PHF21A: variants seen among roughly 807,000 people sequenced by gnomAD.
PHF21A encodes PHD finger protein 21A.
PHF21A carries 11 observed loss-of-function variants against 82.5 expected under a neutral mutation model. The ratio of observed to expected loss-of-function variants is 0.13; its 90% confidence interval spans 0.08 to 0.22. PHF21A has a LOEUF of 0.22. Ranked by LOEUF, PHF21A falls within the 10% of genes least tolerant of loss-of-function variation. PHF21A has a pLI of 1.00. For missense variants in PHF21A, 579 were observed against 837.8 expected, an observed-to-expected ratio of 0.69 and a Z score of 3.81; for synonymous variants, 297 against 302.8, an observed-to-expected ratio of 0.98 and a Z score of 0.20.
chr11:45,943,121 CTTTTTTT>C (rs3061870), intron 15 of PHF21A, among the ~76,000 whole-genome samples: 1,376 of 112,116 alleles, frequency 0.012, 27 homozygotes, highest in African/African-American at 0.044. Context: ...TCTTTCTTTC[CTTTTTTT>C]TTTTTTTTTT....
intron 10 of PHF21A, among the ~76,000 whole-genome samples, chr11:45,963,757 A>G (rs1209263651): frequency 6.6e-6 from 1 of 152,222 alleles, no homozygotes; most frequent in Non-Finnish European, 1.5e-5. Flanking sequence ...TGGAACACTG[A>G]GGCTCCTCAG....
intron 8 of PHF21A, 102 bp downstream of exon 8, chr11:45,971,014 G>A: frequency 7.3e-7 from 1 of 1,366,120 alleles, no homozygotes. Flanking sequence ...GAAGAATGAT[G>A]GAAACTGAGA....
chr11:46,012,054 C>T (rs559634144), intron 6 of PHF21A, among the ~76,000 whole-genome samples: 5 of 152,236 alleles, frequency 3.3e-5, no homozygotes, highest in African/African-American at 1.2e-4. Context: ...CACACTAGAC[C>T]CCTTTTCCTT....
intron 3 of PHF21A, among the ~76,000 whole-genome samples, chr11:46,087,763 A>T (rs11038763): frequency 2.0e-5 from 3 of 151,826 alleles, no homozygotes; most frequent in Non-Finnish European, 2.9e-5. Context: ...TTTTGAAAAA[A>T]TTTTTTTCCT....
intron 6 of PHF21A, among the ~76,000 whole-genome samples, chr11:46,016,379 T>G (rs1159383201): frequency 1.3e-5 from 2 of 152,204 alleles, no homozygotes; most frequent in African/African-American, 4.8e-5. Flanking sequence ...TCCCATTATA[T>G]CCATTCCTTC....
At chr11:46,018,205 G>C (rs1483161451) in intron 6 of PHF21A, among the ~76,000 whole-genome samples, 8 of 149,234 alleles carry the variant, frequency 5.4e-5, no homozygotes, top group Non-Finnish European at 7.4e-5. Context: ...AGCTGAGATT[G>C]CGCCACTGCA....
intron 14 of PHF21A, 120 bp downstream of exon 14, chr11:45,948,766 A>G (rs1338440642): frequency 2.6e-6 from 2 of 775,282 alleles, no homozygotes; most frequent in East Asian, 2.4e-5. Context: ...AACAACAACA[A>G]AACTATTTTC....
At chr11:46,106,600 T>C (rs1378175736) in intron 1 of PHF21A, among the ~76,000 whole-genome samples, 1 of 152,252 alleles carries the variant, frequency 6.6e-6, no homozygotes, top group East Asian at 1.9e-4. Flanking sequence ...CTCCATCCAC[T>C]GATAATTGCT....
intron 18 of PHF21A, 25 bp from the exon 19 acceptor site, chr11:45,934,250 G>C (rs377133610): frequency 2.5e-5 from 40 of 1,600,476 alleles, no homozygotes; most frequent in Non-Finnish European, 3.4e-5. Flanking sequence ...AAGGGCAGTG[G>C]CACTGAGCCG....
At chr11:45,948,816 G>T in intron 14 of PHF21A, 70 bp downstream of exon 14, 2 of 1,064,556 alleles carry the variant, frequency 1.9e-6, no homozygotes, top group Non-Finnish European at 3.0e-6. Flanking sequence ...ATGGGAGGAG[G>T]GAAGGAGAAG....
intron 1 of PHF21A, among the ~76,000 whole-genome samples, chr11:46,117,625 C>T (rs1205046091): frequency 6.6e-6 from 1 of 152,178 alleles, no homozygotes; most frequent in Non-Finnish European, 1.5e-5. Flanking sequence ...ATCTCAACTA[C>T]TCTATATCCT....
intron 6 of PHF21A, among the ~76,000 whole-genome samples, chr11:46,050,599 T>G (rs1040083479): frequency 1.3e-5 from 2 of 152,236 alleles, no homozygotes; most frequent in African/African-American, 2.4e-5. Context: ...TCTATAATTT[T>G]AATTCATCAA....
chr11:46,041,246 A>G (rs2096133809), intron 6 of PHF21A, among the ~76,000 whole-genome samples: 1 of 152,178 alleles, frequency 6.6e-6, no homozygotes, highest in African/African-American at 2.4e-5. Flanking sequence ...GCTTTTTAGA[A>G]TATATACTAA....
chr11:46,042,713 C>T (rs1388692052), intron 6 of PHF21A, among the ~76,000 whole-genome samples: 1 of 152,058 alleles, frequency 6.6e-6, no homozygotes, highest in Non-Finnish European at 1.5e-5. Flanking sequence ...GAGGGCCCTC[C>T]TTCACAAATG....
intron 6 of PHF21A, among the ~76,000 whole-genome samples, chr11:46,010,538 T>C (rs576151315): frequency 2.0e-4 from 30 of 152,358 alleles, no homozygotes; most frequent in African/African-American, 7.0e-4. Flanking sequence ...GGAATAGTGG[T>C]ATGAATAACT....
chr11:45,963,016 C>T (rs969482021), intron 10 of PHF21A, among the ~76,000 whole-genome samples: 1 of 151,774 alleles, frequency 6.6e-6, no homozygotes, highest in African/African-American at 2.4e-5. Context: ...ACGTGAAGGC[C>T]ACGACAGGAA....
At chr11:45,944,535 C>T (rs150120810) in intron 15 of PHF21A, among the ~76,000 whole-genome samples, 33 of 152,310 alleles carry the variant, frequency 2.2e-4, no homozygotes, top group African/African-American at 7.9e-4. Context: ...GCGCAACTGG[C>T]CCAGCCACTT....
intron 10 of PHF21A, among the ~76,000 whole-genome samples, chr11:45,961,108 G>A (rs2093046838): frequency 6.6e-6 from 1 of 152,124 alleles, no homozygotes; most frequent in East Asian, 1.9e-4. Flanking sequence ...ACTGAAAGTG[G>A]AAAAATAAAT....
In PHF21A at chr11:46,024,628, C is replaced by T. The variant is rs534101738; in HGVS notation, c.154-44662G>A. ...CAGCCTGACCACAATGGTGAAACCCCATCTCTACTAAAAATACAAAAAATT... is the reference window on the plus strand; with the variant it reads ...CAGCCTGACCACAATGGTGAAACCCTATCTCTACTAAAAATACAAAAAATT... On this transcript the variant is annotated intron_variant, in intron 6 of 18. Transcript: ENST00000676320. Among the ~76,000 whole-genome samples the T allele has an allele frequency of 2.0e-5, 3 of 152,068 alleles. No homozygotes were observed. The South Asian group carries it at 6.2e-4, about 32-fold the overall frequency.
Sources: gnomAD v4.1 joint callset for allele counts (sites outside exome capture counted in the v4.1 genomes callset) on GRCh38, gnomAD v4.1.1 for gene constraint, MANE v1.5 for transcripts, NCBI Gene and HGNC (gene_info 2026-07-23, HGNC 2026-07-21) for gene names.